RAD54L2: variants seen among roughly 807,000 people sequenced by gnomAD.
RAD54L2 encodes RAD54 like 2, also known as helicase ARIP4.
A neutral mutation model predicts 138.4 loss-of-function variants in RAD54L2; 27 were observed. The ratio of observed to expected loss-of-function variants is 0.20; its 90% CI spans 0.14 to 0.27. RAD54L2 has a LOEUF of 0.27. RAD54L2 is among the 10% of genes least tolerant of loss of function. RAD54L2 has a pLI of 1.00. For synonymous variants in RAD54L2, 644 were observed against 723.2 expected, an observed-to-expected ratio of 0.89 and a Z score of 1.76; for missense variants, 1,396 against 1,890.2, an observed-to-expected ratio of 0.74 and a Z score of 4.85.
chr3:51,633,582 C>T lies in RAD54L2; in HGVS notation c.831C>T (p.Gly277=), dbSNP rs774347518. ...LARAVKPHQI[G]GIRFLYDNLV... ...TTGTCTTTGTCCCTTGTCAGATTGGCGGGATCCGGTTCCTTTACGATAACC... is the reference window on the plus strand; with the variant it reads ...TTGTCTTTGTCCCTTGTCAGATTGGTGGGATCCGGTTCCTTTACGATAACC... The change falls in exon 8 of 23, where the codon GGC becomes GGT. Residue 277 remains glycine, a synonymous_variant. Transcript: ENST00000684192. The T allele has an allele frequency of 1.2e-5, 19 of 1,612,642 alleles. No homozygotes were observed. The highest frequency in any genetic ancestry group is 4.0e-5 in the African/African-American group (3 of 74,864).
At position 51,645,222 on chromosome 3, in the gene RAD54L2, C is replaced by T. The variant is rs942480045; in HGVS notation, c.2649C>T (p.Gly883=). 6.2e-7 allele frequency: 1 copy of T among 1,610,876 alleles called. No individual in the cohort carries two copies. The highest frequency in any genetic ancestry group is 1.3e-5 in the African/African-American group (1 of 74,900). The part of the protein sequence containing the change: ...KIYDRQISKQ[G]MSDRVVDDLN... ...ATGACCGTCAGATTTCCAAGCAGGGCATGTCAGGTGGGCCATCTTCCAGAC... is the reference window on the plus strand; with the variant it reads ...ATGACCGTCAGATTTCCAAGCAGGGTATGTCAGGTGGGCCATCTTCCAGAC... The change falls in exon 17 of 23, where the codon GGC becomes GGT. Residue 883 remains glycine (G), a synonymous_variant. Transcript: ENST00000684192. This position sits in a 1 kb window ranked among gnomAD's most constrained non-coding sequence, Gnocchi z 6.1.
intron 3 of RAD54L2, among the ~76,000 whole-genome samples, chr3:51,606,078 T>C (rs894488935): frequency 2.0e-5 from 3 of 152,198 alleles, no homozygotes; most frequent in African/African-American, 7.2e-5. Context: ...CTGGAGACCA[T>C]CGAGCAGAAG....
intron 2 of RAD54L2, among the ~76,000 whole-genome samples, chr3:51,584,163 T>C (rs1019974699): frequency 1.3e-5 from 2 of 152,216 alleles, no homozygotes; most frequent in Non-Finnish European, 2.9e-5. Context: ...TGACTGATTC[T>C]GTAAACATGT....
rs1701206114 is a variant in RAD54L2, at chr3:51,643,966, C to G, written c.2442C>G (p.Leu814=). Residue 814 remains leucine, a synonymous_variant, in exon 16 of 23, where the codon CTC becomes CTG. Transcript: ENST00000684192. ...PSNLTTWLFL[L]STRAGCLGVN... ...ACCTCACCACCTGGCTGTTCCTTCTCTCTACAAGGTGAGTGGATCCCAAGA... is the reference window on the plus strand; with the variant it reads ...ACCTCACCACCTGGCTGTTCCTTCTGTCTACAAGGTGAGTGGATCCCAAGA... The G allele has an allele frequency of 2.5e-6, 4 of 1,598,584 alleles. No homozygotes were observed. Among genetic ancestry groups the G allele is most frequent in the Non-Finnish European group, 3.4e-6 (4 of 1,172,004 alleles).
At chr3:51,660,139 C>T in intron 22 of RAD54L2, 21 bp downstream of exon 22, 1 of 1,568,326 alleles carries the variant, frequency 6.4e-7, no homozygotes, top group South Asian at 1.1e-5. Context: ...TTTTACTTTC[C>T]ATTTTACTTT....
Position 51,659,356 on chromosome 3 carries a change from C to T in RAD54L2, c.3317-670C>T, listed in dbSNP as rs1016367395. ...TCCTGACCTTGTGATCCACCCGCCTCGGCCTCCCAAAATGCTGGGATTACA... is the reference window on the plus strand; with the variant it reads ...TCCTGACCTTGTGATCCACCCGCCTTGGCCTCCCAAAATGCTGGGATTACA... On this transcript the variant is annotated intron_variant, in intron 21 of 22. Transcript: ENST00000684192. Among the ~76,000 whole-genome samples, 12 of 152,228 alleles carry T rather than the reference C, an allele frequency of 7.9e-5. No homozygotes were observed. The East Asian group carries it at 1.5e-3, about 20-fold the overall frequency.
chr3:51,657,155 T>C (rs1376417466), intron 20 of RAD54L2, among the ~76,000 whole-genome samples: 2 of 152,334 alleles, frequency 1.3e-5, no homozygotes, highest in Middle Eastern at 3.4e-3. Context: ...TTGAAAATAC[T>C]GTTTCCCAGG....
At chr3:51,566,107 C>T (rs1451950738) in intron 2 of RAD54L2, among the ~76,000 whole-genome samples, 1 of 152,274 alleles carries the variant, frequency 6.6e-6, no homozygotes, top group Non-Finnish European at 1.5e-5. Flanking sequence ...GGATTATAGG[C>T]GTGAGCCACT....
rs1412003953 is a variant in RAD54L2, at chr3:51,586,431, G to T, written c.-54-3936G>T. 1.7e-3 allele frequency among the ~76,000 whole-genome samples: 223 copies of T among 134,206 alleles called. 1 individual carries two copies. The highest frequency in any genetic ancestry group is 2.6e-3 in the Non-Finnish European group (161 of 61,254). 88.0% of individuals were successfully genotyped at this position (134,206 alleles called of 152,430 possible). ...TCACACCAGGCTCTTTGTTGCCTTTGTTTTTTTTTTTTTGGAAGTCTCTGT... is the reference window on the plus strand; with the variant it reads ...TCACACCAGGCTCTTTGTTGCCTTTTTTTTTTTTTTTTTGGAAGTCTCTGT... On this transcript the variant is annotated intron_variant, in intron 2 of 22. Transcript: ENST00000684192.
intron 2 of RAD54L2, among the ~76,000 whole-genome samples, chr3:51,555,673 G>T (rs575716316): frequency 6.6e-6 from 1 of 152,068 alleles, no homozygotes; most frequent in Non-Finnish European, 1.5e-5. Flanking sequence ...AACCACCATC[G>T]GCACATGTTA....
intron 3 of RAD54L2, among the ~76,000 whole-genome samples, chr3:51,601,133 T>C (rs536735527): frequency 6.6e-5 from 10 of 152,122 alleles, no homozygotes; most frequent in Non-Finnish European, 1.5e-4. Flanking sequence ...TGAACACGAT[T>C]TTTAAAATAA....
At chr3:51,653,066 C>G (rs536709255) in intron 19 of RAD54L2, among the ~76,000 whole-genome samples, 5 of 152,276 alleles carry the variant, frequency 3.3e-5, no homozygotes, top group Admixed American at 6.5e-5. Context: ...CCACAAAGAA[C>G]TTAAACAAAT....
rs1203175731 is a variant in RAD54L2 at position 51,571,031 on chromosome 3, G to C, written c.-54-19336G>C. Reference sequence around the variant, plus strand: ...AGACGGGGTTTCACCATGTTGTCCAGGCTGATCCCGAACTCCTGGCCTCAG... The same window carrying C: ...AGACGGGGTTTCACCATGTTGTCCACGCTGATCCCGAACTCCTGGCCTCAG... On this transcript the variant is annotated intron_variant, in intron 2 of 22. Coordinates refer to ENST00000684192, the MANE Select transcript of RAD54L2 (RefSeq NM_015106.4). Among the ~76,000 whole-genome samples the C allele has an allele frequency of 2.0e-5, 3 of 152,130 alleles. No individual in the cohort carries two copies. The South Asian group carries it at 6.2e-4, about 32-fold the overall frequency.
chr3:51,627,674 C>T lies in RAD54L2; in HGVS notation c.261C>T (p.Arg87=), dbSNP rs1158691344. ...CTGAGCCTTCAGAGCAGCTTAGGCG[C>T]CACCAAGGCAAGAACCTAGCCTCCG... The part of the protein sequence containing the change: ...SQSEPSEQLR[R]HQGKNLASED... The change falls in exon 4 of 23, where the codon CGC becomes CGT. Residue 87 remains arginine (R), a synonymous_variant. Transcript: ENST00000684192. 1 of 1,611,708 alleles carries T rather than the reference C, an allele frequency of 6.2e-7. No individual in the cohort carries two copies. The highest frequency in any genetic ancestry group is 8.5e-7 in the Non-Finnish European group (1 of 1,178,954).
chr3:51,606,490 G>T (rs1189294708), intron 3 of RAD54L2, among the ~76,000 whole-genome samples: 3 of 152,106 alleles, frequency 2.0e-5, no homozygotes, highest in Non-Finnish European at 4.4e-5. Flanking sequence ...GTAGGATCTT[G>T]AGAGAGCCAC....
intron 2 of RAD54L2, among the ~76,000 whole-genome samples, chr3:51,570,846 G>T (rs1260054296): frequency 2.0e-5 from 3 of 152,056 alleles, no homozygotes; most frequent in Non-Finnish European, 4.4e-5. Flanking sequence ...TTTTGAGATG[G>T]AGTTTTGCTC....
intron 2 of RAD54L2, among the ~76,000 whole-genome samples, chr3:51,578,624 A>T (rs755369011): frequency 9.9e-5 from 15 of 152,144 alleles, no homozygotes; most frequent in Non-Finnish European, 1.3e-4. Context: ...CTCACTCGCT[A>T]CTCTACTCAT....
chr3:51,590,222 C>T, intron 2 of RAD54L2, 145 bp from the exon 3 acceptor site: 1 of 497,352 alleles, frequency 2.0e-6, no homozygotes, highest in South Asian at 3.4e-5. Context: ...AACTCCTGAC[C>T]TCAAGTGATC....
At chr3:51,650,864 C>T (rs1577461981) in intron 19 of RAD54L2, among the ~76,000 whole-genome samples, 1 of 151,904 alleles carries the variant, frequency 6.6e-6, no homozygotes, top group African/African-American at 2.4e-5. Context: ...CCCTAACATC[C>T]CAATTAAAAG....
Sources: gnomAD v4.1 joint callset for allele counts (sites outside exome capture counted in the v4.1 genomes callset) on GRCh38, gnomAD v4.1.1 for gene constraint, Gnocchi (gnomAD v3.1) non-coding constraint, MANE v1.5 for transcripts, NCBI Gene and HGNC (gene_info 2026-07-23, HGNC 2026-07-21) for gene names.